B4GALNT3: variants seen among roughly 807,000 people sequenced by gnomAD.
B4GALNT3 encodes the protein beta-1,4-N-acetyl-galactosaminyltransferase 3.
In B4GALNT3, 86 loss-of-function variants were observed where a neutral mutation model predicts 120.2. The ratio of observed to expected loss-of-function variants is 0.72; its 90% confidence interval spans 0.60 to 0.86. B4GALNT3 has a LOEUF of 0.86. Ranked by LOEUF, B4GALNT3 falls within the 40% of genes least tolerant of loss-of-function variation. The pLI is 0.00. For missense variants in B4GALNT3, 1,167 were observed against 1,298.9 expected (o/e 0.90, Z 1.56); for synonymous variants, 518 against 510.4 (o/e 1.01, Z -0.20).
Position 546,713 on chromosome 12 carries a change from G to A in B4GALNT3, c.707G>A (p.Ser236Asn), listed in dbSNP as rs930212337. ...CGGAGCCAAATTTCCAAGCCGGTGA[G>A]GTGAGTGAGGGTCAGGACAGGCGCT... ...KFRSQISKPV[S>N]LSASHRYYFE... Residue 236 changes from serine to asparagine, a missense_variant and splice_region_variant, in exon 7 of 20, where the codon AGC becomes AAC. Coordinates refer to ENST00000266383, the MANE Select transcript of B4GALNT3 (RefSeq NM_173593.4). The A allele has an allele frequency of 6.4e-6, 10 of 1,551,274 alleles. No homozygotes were observed. Among genetic ancestry groups the A allele is most frequent in the Non-Finnish European group, 7.8e-6 (9 of 1,146,822 alleles).
chr12:480,634 G>A (rs527401127), intron 1 of B4GALNT3, among the ~76,000 whole-genome samples: 129 of 152,240 alleles, frequency 8.5e-4, no homozygotes, highest in African/African-American at 3.0e-3. Flanking sequence ...TCGCCTTCTC[G>A]TTCAAGCAGG....
intron 9 of B4GALNT3, 25 bp from the exon 10 acceptor site, chr12:549,743 CT>C: frequency 6.2e-7 from 1 of 1,613,522 alleles, no homozygotes; most frequent in Non-Finnish European, 8.5e-7. Flanking sequence ...ACACAGCCTC[CT>C]GCTTTCTTTC....
Position 550,152 on chromosome 12 carries a change from A to C in B4GALNT3, c.997+240A>C, listed in dbSNP as rs1468220085. Among the ~76,000 whole-genome samples the C allele has an allele frequency of 1.3e-5, 2 of 152,230 alleles. No individual in the cohort carries two copies. The highest frequency in any genetic ancestry group is 6.5e-5 in the Admixed American group (1 of 15,282). ...CAGAGTGAACGTTTGTGGAACCACC[A>C]CCCACAACAAGAAATAGAGTTAGAA... On this transcript the variant is annotated intron_variant, in intron 10 of 19. Transcript: ENST00000266383. The surrounding 1 kb of genome is among the most constrained non-coding windows in gnomAD (Gnocchi z 4.1).
intron 1 of B4GALNT3, among the ~76,000 whole-genome samples, chr12:476,803 A>T (rs2120456332): frequency 6.6e-6 from 1 of 152,310 alleles, no homozygotes; most frequent in Non-Finnish European, 1.5e-5. Context: ...GACAGGGTGG[A>T]CCCCAGGGGT....
intron 1 of B4GALNT3, among the ~76,000 whole-genome samples, chr12:511,513 TCTTCCACCTTCCAC>T (rs747924756): frequency 3.5e-5 from 3 of 84,792 alleles, no homozygotes; most frequent in Non-Finnish European, 7.2e-5. Flanking sequence ...CCTTCCACCT[TCTTCCACCTTCCAC>T]CTTCCACCTT....
rs11063094 is a variant in B4GALNT3 at position 467,368 on chromosome 12, G to A, written c.169+6823G>A. On this transcript the variant is annotated intron_variant, in intron 1 of 19. Transcript: ENST00000266383. ...GAGGTCAGGAGTTCGAGACCAGCCC[G>A]GCCAACATGATGAAAGCCCATCTCT... Among the ~76,000 whole-genome samples the A allele has an allele frequency of 5.8e-3, 890 of 152,220 alleles. 10 individuals carry two copies. Among genetic ancestry groups the A allele is most frequent in the African/African-American group, 0.02 (819 of 41,522 alleles).
intron 1 of B4GALNT3, among the ~76,000 whole-genome samples, chr12:511,013 CTTTTTTTTTTTTTTTTTTTTT>C (rs762032000): frequency 0.033 from 1,452 of 43,860 alleles, 32 homozygotes; most frequent in African/African-American, 0.11. Context: ...TTTGCCTATT[CTTTTTTTTTTTTTTTTTTTTT>C]TTTTTTTTTT....
At chr12:513,225 T>C (rs1946616933) in intron 1 of B4GALNT3, among the ~76,000 whole-genome samples, 1 of 148,790 alleles carries the variant, frequency 6.7e-6, no homozygotes, top group African/African-American at 2.6e-5. Context: ...CTACCGTTCT[T>C]GGATTTTGCC....
At chr12:529,645 C>CT (rs1491307353) in intron 1 of B4GALNT3, among the ~76,000 whole-genome samples, 1 of 152,260 alleles carries the variant, frequency 6.6e-6, no homozygotes, top group African/African-American at 2.4e-5. Context: ...TGAAATAAAA[C>CT]TCTTAGCATA....
chr12:481,935 G>A (rs1047299949), intron 1 of B4GALNT3, among the ~76,000 whole-genome samples: 1 of 151,942 alleles, frequency 6.6e-6, no homozygotes, highest in African/African-American at 2.4e-5. Flanking sequence ...CATTGATACG[G>A]CATCTTAGAT....
intron 1 of B4GALNT3, among the ~76,000 whole-genome samples, chr12:511,754 TCTTCCACCTTCCAC>T (rs1337611230): frequency 2.2e-5 from 1 of 45,632 alleles, no homozygotes; most frequent in East Asian, 6.0e-4. Context: ...CCTTCCACCT[TCTTCCACCTTCCAC>T]CTTCCACCTT....
chr12:483,074 AT>A lies in B4GALNT3; in HGVS notation c.169+22539del, dbSNP rs200102453. On this transcript the variant is annotated intron_variant, in intron 1 of 19. Coordinates refer to ENST00000266383, the MANE Select transcript of B4GALNT3 (RefSeq NM_173593.4). ...AGGTGGATGTCACCTCATCCAGCTA[AT>A]TTTTTTTTTCCCTTTGGAGAGACAG... Among the ~76,000 whole-genome samples the A allele has an allele frequency of 2.3e-4, 34 of 149,192 alleles. 8 individuals are homozygous for A. The highest frequency in any genetic ancestry group is 4.7e-4 in the Admixed American group (7 of 14,950).
chr12:505,378 G>A (rs576226273), intron 1 of B4GALNT3, among the ~76,000 whole-genome samples: 15 of 152,256 alleles, frequency 9.9e-5, no homozygotes, highest in Admixed American at 3.3e-4. Flanking sequence ...CAGCATCAGC[G>A]GCTCTTACAG....
chr12:472,281 TG>T (rs1404025703), intron 1 of B4GALNT3, among the ~76,000 whole-genome samples: 4 of 152,176 alleles, frequency 2.6e-5, no homozygotes, highest in Non-Finnish European at 5.9e-5. Flanking sequence ...ATTGATTAAC[TG>T]ATGTTTTTTA....
chr12:560,337 G>T (rs1466947625), intron 19 of B4GALNT3, among the ~76,000 whole-genome samples: 1 of 152,116 alleles, frequency 6.6e-6, no homozygotes, highest in Non-Finnish European at 1.5e-5. Flanking sequence ...ACCAGTCACT[G>T]GGTCCCTATA....
At chr12:558,158 T>C in intron 17 of B4GALNT3, 70 bp downstream of exon 17, 3 of 1,539,172 alleles carry the variant, frequency 1.9e-6, no homozygotes, top group Non-Finnish European at 2.7e-6. Flanking sequence ...ACATTTGGGG[T>C]AAATGAGGTG....
chr12:512,165 ACCTTCCG>A (rs1170221103), intron 1 of B4GALNT3, among the ~76,000 whole-genome samples: 550 of 50,062 alleles, frequency 0.011, 51 homozygotes, highest in African/African-American at 0.069. Flanking sequence ...TCCGCCTTCC[ACCTTCCG>A]CCTTCCGCCT....
At chr12:537,535 G>T (rs1468715114) in intron 3 of B4GALNT3, among the ~76,000 whole-genome samples, 1 of 152,162 alleles carries the variant, frequency 6.6e-6, no homozygotes, top group South Asian at 2.1e-4. Flanking sequence ...GAGATTACAG[G>T]CATGAACCAC....
chr12:517,028 C>T (rs1946664169), intron 1 of B4GALNT3, among the ~76,000 whole-genome samples: 1 of 152,078 alleles, frequency 6.6e-6, no homozygotes, highest in Admixed American at 6.6e-5. Flanking sequence ...TTGTCATTTA[C>T]AGGATGGAGA....
Sources: allele counts gnomAD v4.1 joint callset (sites outside exome capture counted in the v4.1 genomes callset), GRCh38; gene constraint gnomAD v4.1.1; non-coding constraint Gnocchi (gnomAD v3.1); transcripts MANE v1.5; gene names NCBI Gene and HGNC (gene_info 2026-07-23, HGNC 2026-07-21).